ZNF469: variants seen among roughly 807,000 people sequenced by gnomAD.
ZNF469 encodes the protein zinc finger protein 469.
In ZNF469, 1 loss-of-function variant was observed where a neutral mutation model predicts 1.0. That is an observed-to-expected ratio of 1.00 (90% confidence interval 0.35 to 4.73). The LOEUF (loss-of-function observed/expected upper bound fraction) is 4.73. Among genes scored for constraint, ZNF469 ranks in the 30% most tolerant of loss-of-function variants. ZNF469 has a pLI of 0.16. For synonymous variants in ZNF469, 2,703 were observed against 2,363.4 expected, an observed-to-expected ratio of 1.14 and a Z score of -4.17; for missense variants, 6,100 against 5,356.3, an observed-to-expected ratio of 1.14 and a Z score of -4.33.
chr16:88,313,028 C>T, the ZNF469 span, among the ~76,000 whole-genome samples: 1 of 152,208 alleles, frequency 6.6e-6, no homozygotes, highest in South Asian at 2.1e-4. Flanking sequence ...CTAGGGATAA[C>T]TGACATATTT....
the ZNF469 span, among the ~76,000 whole-genome samples, chr16:88,130,092 C>T: frequency 2.6e-5 from 4 of 152,156 alleles, no homozygotes; most frequent in Admixed American, 6.5e-5. Context: ...ATGCGTGGGT[C>T]GGCAGAGTTG....
the ZNF469 span, among the ~76,000 whole-genome samples, chr16:88,256,895 C>CTTTCTCTCTCTCTCTCTTTCTTTCT: frequency 1.4e-4 from 7 of 51,474 alleles, no homozygotes; most frequent in African/African-American, 4.8e-4. Flanking sequence ...CTTTTCTTTC[C>CTTTCTCTCTCTCTCTCTTTCTTTCT]TTCTTTCTTT....
At position 88,428,941 on chromosome 16, in the gene ZNF469, G is replaced by T; in HGVS notation, c.1471G>T (p.Ala491Ser). The T allele has an allele frequency of 6.5e-7, 1 of 1,546,354 alleles. No individual in the cohort carries two copies. The highest frequency in any genetic ancestry group is 8.7e-7 in the Non-Finnish European group (1 of 1,145,614). The change falls in exon 3 of 3, where the codon GCC becomes TCC. Residue 491 changes from alanine (A) to serine (S), a missense_variant. Transcript: ENST00000565624. ...PLPWPQVLPT[A>S]RPSPHGMEML... ...GCCTTGGCCCCAAGTGCTCCCGACC[G>T]CCCGGCCAAGTCCCCACGGAATGGA...
the ZNF469 span, among the ~76,000 whole-genome samples, chr16:88,329,993 G>A: frequency 6.6e-6 from 1 of 152,258 alleles, no homozygotes; most frequent in Non-Finnish European, 1.5e-5. Flanking sequence ...GGTACAGGCA[G>A]AGTGGAAGCA....
chr16:88,122,869 G>A, the ZNF469 span, among the ~76,000 whole-genome samples: 6 of 152,034 alleles, frequency 3.9e-5, no homozygotes, highest in Admixed American at 6.5e-5. Context: ...TAGAGATGGC[G>A]TCTCACTCTG....
chr16:88,160,819 G>A, the ZNF469 span, among the ~76,000 whole-genome samples: 23 of 152,286 alleles, frequency 1.5e-4, no homozygotes, highest in African/African-American at 5.3e-4. Flanking sequence ...CCGCCAGCAG[G>A]CAGGAACAGT....
chr16:88,192,972 A>AGTGATGGTGGTG, the ZNF469 span, among the ~76,000 whole-genome samples: 1 of 42,430 alleles, frequency 2.4e-5, no homozygotes, highest in Non-Finnish European at 5.1e-5. Flanking sequence ...TGGTGATGGT[A>AGTGATGGTGGTG]GTGATGGTGG....
At chr16:88,261,831 G>T in the ZNF469 span, among the ~76,000 whole-genome samples, 8 of 152,176 alleles carry the variant, frequency 5.3e-5, no homozygotes, top group Non-Finnish European at 1.2e-4. This position sits in a 1 kb window ranked among gnomAD's most constrained non-coding sequence, Gnocchi z 6.0. Flanking sequence ...GATCTTCAGG[G>T]TGAAGGCTCT....
the ZNF469 span, among the ~76,000 whole-genome samples, chr16:88,260,447 C>T: frequency 2.0e-5 from 3 of 152,214 alleles, no homozygotes; most frequent in South Asian, 2.1e-4. This position sits in a 1 kb window ranked among gnomAD's most constrained non-coding sequence, Gnocchi z 4.1. Context: ...TCCTAAGCCT[C>T]GCTCTGGGGA....
chr16:88,365,942 G>A, the ZNF469 span, among the ~76,000 whole-genome samples: 1 of 152,186 alleles, frequency 6.6e-6, no homozygotes, highest in African/African-American at 2.4e-5. Context: ...ATACACACAT[G>A]GTGACAGTGC....
At chr16:88,136,481 T>C in the ZNF469 span, among the ~76,000 whole-genome samples, 30 of 152,244 alleles carry the variant, frequency 2.0e-4, no homozygotes, top group African/African-American at 7.0e-4. Flanking sequence ...TTTCTGGCTA[T>C]TCGTAACCCC....
At chr16:88,301,033 C>G in the ZNF469 span, among the ~76,000 whole-genome samples, 1 of 152,060 alleles carries the variant, frequency 6.6e-6, no homozygotes, top group Admixed American at 6.5e-5. Context: ...CCATTGCACT[C>G]CAGCCTGGGC....
intron 1 of ZNF469, among the ~76,000 whole-genome samples, chr16:88,409,533 A>G (rs1308677374): frequency 6.6e-6 from 1 of 152,108 alleles, no homozygotes; most frequent in Non-Finnish European, 1.5e-5. Context: ...TGTGGGAGGA[A>G]GAGACCCTCA....
the ZNF469 span, among the ~76,000 whole-genome samples, chr16:88,374,463 G>A: frequency 0.012 from 1,789 of 152,322 alleles, 41 homozygotes; most frequent in African/African-American, 0.042. Context: ...GGGGCACTGA[G>A]ACCAGGAACA....
chr16:88,202,957 G>T, the ZNF469 span, among the ~76,000 whole-genome samples: 1 of 152,216 alleles, frequency 6.6e-6, no homozygotes, highest in African/African-American at 2.4e-5. Context: ...GTCCTTTGCC[G>T]TGACAGTCTC....
the ZNF469 span, among the ~76,000 whole-genome samples, chr16:88,288,363 C>G: frequency 1.3e-5 from 2 of 152,168 alleles, no homozygotes; most frequent in Non-Finnish European, 2.9e-5. Context: ...ACTCACGCTC[C>G]TTGATGGCAG....
the ZNF469 span, among the ~76,000 whole-genome samples, chr16:88,293,374 T>C: frequency 1.3e-5 from 2 of 151,598 alleles, no homozygotes; most frequent in Non-Finnish European, 2.9e-5. Context: ...ACATGGTGGA[T>C]GAATGGATAG....
chr16:88,282,312 G>A, the ZNF469 span, among the ~76,000 whole-genome samples: 2 of 152,140 alleles, frequency 1.3e-5, no homozygotes, highest in African/African-American at 2.4e-5. Flanking sequence ...GTGTTCCAGG[G>A]TGAAAAGTGG....
chr16:88,124,337 C>T, the ZNF469 span, among the ~76,000 whole-genome samples: 3 of 151,960 alleles, frequency 2.0e-5, no homozygotes, highest in Admixed American at 6.6e-5. Flanking sequence ...GGGCTCCTCC[C>T]ACCTCAGCCT....
Sources: gnomAD v4.1 joint callset for allele counts (sites outside exome capture counted in the v4.1 genomes callset) on GRCh38, gnomAD v4.1.1 for gene constraint, Gnocchi (gnomAD v3.1) non-coding constraint, MANE v1.5 for transcripts, NCBI Gene and HGNC (gene_info 2026-07-23, HGNC 2026-07-21) for gene names.